LDLRAD3: variants seen among roughly 807,000 people sequenced by gnomAD.
LDLRAD3 encodes the protein low-density lipoprotein receptor class A domain-containing protein 3.
LDLRAD3 carries 20 observed loss-of-function variants against 29.4 expected under a neutral mutation model. The observed-to-expected ratio is 0.68, with a 90% CI of 0.48 to 0.99. LDLRAD3 has a LOEUF of 0.99. LDLRAD3 is among the 50% of genes least tolerant of loss of function. The pLI is 0.00. For missense variants in LDLRAD3, 420 were observed against 454.3 expected (o/e 0.92, Z 0.69); for synonymous variants, 157 against 192.7 (o/e 0.81, Z 1.53).
At chr11:35,954,464 T>C (rs1378046769) in intron 1 of LDLRAD3, among the ~76,000 whole-genome samples, 1 of 152,212 alleles carries the variant, frequency 6.6e-6, no homozygotes, top group African/African-American at 2.4e-5. Flanking sequence ...CAGAACCTGA[T>C]TCAGTGCTTG....
intron 1 of LDLRAD3, among the ~76,000 whole-genome samples, chr11:36,014,683 G>A (rs1230050768): frequency 6.6e-6 from 1 of 152,080 alleles, no homozygotes; most frequent in Non-Finnish European, 1.5e-5. Flanking sequence ...GTGCCTTTTT[G>A]AAAGAATTAT....
At chr11:36,053,638 GA>G (rs1469440988) in intron 2 of LDLRAD3, among the ~76,000 whole-genome samples, 1 of 152,206 alleles carries the variant, frequency 6.6e-6, no homozygotes, top group African/African-American at 2.4e-5. Flanking sequence ...CTAACAATCA[GA>G]AGTGACTGGT....
chr11:36,104,555 A>G (rs1853498719), intron 4 of LDLRAD3, among the ~76,000 whole-genome samples: 1 of 152,134 alleles, frequency 6.6e-6, no homozygotes, highest in Non-Finnish European at 1.5e-5. Flanking sequence ...AACCTTTGGA[A>G]GATCATGCAG....
chr11:36,015,666 C>T (rs945203757), intron 1 of LDLRAD3, among the ~76,000 whole-genome samples: 1 of 151,938 alleles, frequency 6.6e-6, no homozygotes, highest in Admixed American at 6.6e-5. Flanking sequence ...CCCCCTGCCC[C>T]CCGCCACTGT....
At chr11:36,019,059 G>A (rs984215873) in intron 1 of LDLRAD3, among the ~76,000 whole-genome samples, 1 of 152,164 alleles carries the variant, frequency 6.6e-6, no homozygotes, top group African/African-American at 2.4e-5. Context: ...TGGCATTGAA[G>A]GCTTTGGTTT....
chr11:35,991,862 GTTGT>G (rs1554954864), intron 1 of LDLRAD3, among the ~76,000 whole-genome samples: 13,090 of 101,286 alleles, frequency 0.13, 702 homozygotes, highest in East Asian at 0.16. Flanking sequence ...AAATTGAATG[GTTGT>G]TTGTGTGTGT....
chr11:36,028,643 T>A (rs1183210167), intron 1 of LDLRAD3, among the ~76,000 whole-genome samples: 2 of 152,214 alleles, frequency 1.3e-5, no homozygotes, highest in African/African-American at 4.8e-5. Flanking sequence ...AGTGAAATGT[T>A]AATTACCCTT....
intron 1 of LDLRAD3, among the ~76,000 whole-genome samples, chr11:35,961,158 C>A (rs796459951): frequency 2.0e-5 from 3 of 152,322 alleles, no homozygotes; most frequent in African/African-American, 7.2e-5. Context: ...CTGGTGCCCC[C>A]GTGGCTCAGC....
intron 1 of LDLRAD3, among the ~76,000 whole-genome samples, chr11:36,015,959 A>G (rs891545005): frequency 5.9e-5 from 9 of 152,236 alleles, no homozygotes; most frequent in Middle Eastern, 3.2e-3. Flanking sequence ...GCCACCTGGA[A>G]GACCCAGTAG....
At chr11:36,133,392 TC>T (rs1853956688) in intron 4 of LDLRAD3, among the ~76,000 whole-genome samples, 2 of 148,312 alleles carry the variant, frequency 1.3e-5, no homozygotes, top group Admixed American at 6.7e-5. Context: ...TCTTTTCTTT[TC>T]TTTTGGAAAA....
At chr11:36,145,125 C>T (rs1854163032) in intron 4 of LDLRAD3, among the ~76,000 whole-genome samples, 1 of 116,116 alleles carries the variant, frequency 8.6e-6, no homozygotes, top group South Asian at 3.1e-4. Context: ...CAGCCCCCCG[C>T]CCGGCCAGCT....
At chr11:36,107,222 C>T (rs1853541692) in intron 4 of LDLRAD3, among the ~76,000 whole-genome samples, 1 of 149,218 alleles carries the variant, frequency 6.7e-6, no homozygotes, top group Non-Finnish European at 1.5e-5. Flanking sequence ...TTTTTTGAGA[C>T]AGAGTTTCAC....
At chr11:36,212,077 G>A (rs1027341142) in intron 4 of LDLRAD3, among the ~76,000 whole-genome samples, 5 of 152,182 alleles carry the variant, frequency 3.3e-5, no homozygotes, top group African/African-American at 1.2e-4. Flanking sequence ...TAGTTCTTTA[G>A]AGCCTTCCTT....
chr11:36,124,025 T>C (rs1421409153), intron 4 of LDLRAD3, among the ~76,000 whole-genome samples: 2 of 152,206 alleles, frequency 1.3e-5, no homozygotes, highest in Non-Finnish European at 2.9e-5. Flanking sequence ...AAAGAAGAGC[T>C]GCAAATAAGA....
chr11:36,083,778 A>ACC (rs1180700240), intron 3 of LDLRAD3, among the ~76,000 whole-genome samples: 131 of 64,156 alleles, frequency 2.0e-3, no homozygotes, highest in African/African-American at 5.9e-3. Context: ...ACACACACAC[A>ACC]CACCCCAGAA....
rs115813595 is a variant in LDLRAD3, at chr11:35,969,176, C to T, written c.46+25032C>T. ...CAACCCAGGCCTCTGTCTTCTCGGT[C>T]GAGGTCCTTCTCACTTCATGTCCAT... On this transcript the variant is annotated intron_variant, in intron 1 of 5. Coordinates refer to ENST00000315571, the MANE Select transcript of LDLRAD3 (RefSeq NM_174902.4). Among the ~76,000 whole-genome samples, 1,190 of 152,240 alleles carry T rather than the reference C, an allele frequency of 7.8e-3. 9 individuals are homozygous for T. The highest frequency in any genetic ancestry group is 0.024 in the African/African-American group (999 of 41,530).
intron 4 of LDLRAD3, among the ~76,000 whole-genome samples, chr11:36,174,312 T>G (rs1294589964): frequency 6.6e-6 from 1 of 152,242 alleles, no homozygotes; most frequent in Non-Finnish European, 1.5e-5. Flanking sequence ...GGGCAAGGAC[T>G]TTATGTCTAA....
intron 2 of LDLRAD3, among the ~76,000 whole-genome samples, chr11:36,042,015 T>A (rs1852389115): frequency 6.6e-6 from 1 of 152,190 alleles, no homozygotes; most frequent in Non-Finnish European, 1.5e-5. Context: ...TTCCTGACCG[T>A]TTCTTGAACA....
chr11:36,047,952 T>G (rs1182047569), intron 2 of LDLRAD3, among the ~76,000 whole-genome samples: 1 of 152,124 alleles, frequency 6.6e-6, no homozygotes, highest in African/African-American at 2.4e-5. Context: ...ATCTGGGAAA[T>G]GGGAGCAGAT....
Sources: gnomAD v4.1 joint callset for allele counts (sites outside exome capture counted in the v4.1 genomes callset) on GRCh38, gnomAD v4.1.1 for gene constraint, MANE v1.5 for transcripts, NCBI Gene and HGNC (gene_info 2026-07-23, HGNC 2026-07-21) for gene names.